POLQ: variants seen among roughly 807,000 people sequenced by gnomAD.
The protein encoded by POLQ is DNA polymerase theta.
Under a neutral mutation model 259.2 loss-of-function variants are expected in POLQ, and 233 were observed. That is an observed-to-expected ratio of 0.90 (90% confidence interval 0.81 to 1.00). The LOEUF is 1.00. POLQ is among the 50% of genes least tolerant of loss of function. POLQ has a pLI of 0.00. For synonymous variants in POLQ, 1,025 were observed against 1,048.8 expected (o/e 0.98, Z 0.44); for missense variants, 2,871 against 3,051.6 (o/e 0.94, Z 1.39).
chr3:121,440,115 C>A lies in POLQ; in HGVS notation c.7266G>T (p.Gly2422=), dbSNP rs1212923237. The part of the protein sequence containing the change: ...YIDSFKSRYT[G]INQFMTETVK... ...CTGTCTCTGTCATGAATTGATTAATCCCTACAAAGAAAATACAGAAATAAT... is the reference window on the plus strand; with the variant it reads ...CTGTCTCTGTCATGAATTGATTAATACCTACAAAGAAAATACAGAAATAAT... The change falls in exon 27 of 30, where the codon GGG becomes GGT. Residue 2422 remains glycine, a splice_region_variant and synonymous_variant. Coordinates refer to ENST00000264233, the MANE Select transcript of POLQ (RefSeq NM_199420.4). 3.1e-6 allele frequency: 5 copies of A among 1,603,220 alleles called. No individual in the cohort carries two copies. Among genetic ancestry groups the A allele is most frequent in the South Asian group, 1.1e-5 (1 of 90,482 alleles).
intron 14 of POLQ, among the ~76,000 whole-genome samples, chr3:121,495,871 AAGAGTG>A (rs1405382755): frequency 6.6e-6 from 1 of 150,698 alleles, no homozygotes; most frequent in Non-Finnish European, 1.5e-5. Context: ...AAAAAAAAAA[AAGAGTG>A]AGTGCCTCCC....
At chr3:121,455,713 A>G (rs2047729541) in intron 25 of POLQ, among the ~76,000 whole-genome samples, 1 of 152,216 alleles carries the variant, frequency 6.6e-6, no homozygotes, top group Non-Finnish European at 1.5e-5. Flanking sequence ...ATAGACCAAT[A>G]ACAGGCTCTG....
chr3:121,478,182 C>T (rs550141970), intron 19 of POLQ, among the ~76,000 whole-genome samples: 54 of 152,092 alleles, frequency 3.6e-4, no homozygotes, highest in Non-Finnish European at 7.2e-4. Flanking sequence ...TGTTCTGAAA[C>T]AAAACTCTCA....
intron 25 of POLQ, among the ~76,000 whole-genome samples, chr3:121,455,976 A>C (rs1266399511): frequency 6.6e-6 from 1 of 152,234 alleles, no homozygotes; most frequent in Non-Finnish European, 1.5e-5. Flanking sequence ...TGATGCAAAA[A>C]TCCTCAATAA....
At position 121,442,177 on chromosome 3, in the gene POLQ, T is replaced by C. The variant is rs180918526; in HGVS notation, c.7265-2061A>G. Among the ~76,000 whole-genome samples the C allele has an allele frequency of 4.6e-5, 7 of 152,330 alleles. No individual in the cohort carries two copies. In the East Asian group the frequency reaches 5.8e-4, roughly 13 times the overall value. ...TAAATTTTTAATTTTTGTGGGTATA[T>C]AGTAGGTGTACATATTTATGGGGTA... On this transcript the variant is annotated intron_variant, in intron 26 of 29. Transcript: ENST00000264233.
At position 121,478,551 on chromosome 3, in the gene POLQ, G is replaced by C. The variant is rs906714125; in HGVS notation, c.6212-1818C>G. Among the ~76,000 whole-genome samples, 6 of 53,164 alleles carry C rather than the reference G, an allele frequency of 1.1e-4. No homozygotes were observed. The Admixed American group carries it at 1.4e-3, about 12-fold the overall frequency. 34.9% of individuals were successfully genotyped at this position (53,164 alleles called of 152,430 possible). On this transcript the variant is annotated intron_variant, in intron 19 of 29. Coordinates refer to ENST00000264233, the MANE Select transcript of POLQ (RefSeq NM_199420.4). ...AATCAAATAAGCAGAAATACATCAA[G>C]AATCACAATAAATTGGCAAATTTGT...
chr3:121,458,471 C>T (rs1380853570), intron 25 of POLQ, among the ~76,000 whole-genome samples: 2 of 152,146 alleles, frequency 1.3e-5, no homozygotes, highest in African/African-American at 4.8e-5. Flanking sequence ...TCTTGGTCTA[C>T]CACTTATAGC....
chr3:121,496,132 C>G (rs796458311), intron 14 of POLQ, among the ~76,000 whole-genome samples: 5 of 151,844 alleles, frequency 3.3e-5, no homozygotes, highest in African/African-American at 1.2e-4. Context: ...GTTCAGAAAT[C>G]CCTCTCCATC....
rs2047492886 is a variant in POLQ at position 121,431,600 on chromosome 3, G to A, written c.*704C>T. ...TTTCTGTCTCTGGCAGTATTATATT[G>A]ACCTGCAATAAAAACATCTGATCTT... On this transcript the variant is annotated 3_prime_UTR_variant, in exon 30 of 30. Transcript: ENST00000264233. 6.6e-6 allele frequency: 1 copy of A among 152,522 alleles called. No homozygotes were observed. Among genetic ancestry groups the A allele is most frequent in the African/African-American group, 2.4e-5 (1 of 41,408 alleles). The allele number at this position is 152,522 out of a possible 1,614,324, so 9.4% of individuals were successfully genotyped here.
rs75573963 is a variant in POLQ at position 121,543,432 on chromosome 3, T to C, written c.343+1295A>G. Among the ~76,000 whole-genome samples, 77 of 152,340 alleles carry C rather than the reference T, an allele frequency of 5.1e-4. 1 individual carries two copies. The East Asian group carries it at 0.014, about 27-fold the overall frequency. On this transcript the variant is annotated intron_variant, in intron 2 of 29. Transcript: ENST00000264233. ...TACTCACAAACACATATACACTCTC[T>C]CACTCTTCCTAAGTAATCTGTGAGG...
intron 6 of POLQ, 59 bp from the exon 7 acceptor site, chr3:121,529,851 T>A (rs2048398397): frequency 7.6e-7 from 1 of 1,319,376 alleles, no homozygotes; most frequent in East Asian, 2.5e-5. Context: ...CTCACATCAG[T>A]TTAAAAGCAC....
At chr3:121,492,129 C>T (rs2048073754) in intron 15 of POLQ, among the ~76,000 whole-genome samples, 1 of 152,028 alleles carries the variant, frequency 6.6e-6, no homozygotes, top group Admixed American at 6.6e-5. Context: ...CCATCCCTTC[C>T]CACACAGGTT....
intron 5 of POLQ, among the ~76,000 whole-genome samples, chr3:121,533,437 T>C (rs1056173292): frequency 1.4e-4 from 21 of 152,204 alleles, no homozygotes; most frequent in African/African-American, 4.6e-4. Flanking sequence ...CCACAATCTG[T>C]GTTTTCTATT....
chr3:121,494,435 A>C, intron 14 of POLQ: 1 of 1,541,556 alleles, frequency 6.5e-7, no homozygotes, highest in African/African-American at 1.4e-5. Flanking sequence ...AAGGCAAGAG[A>C]AGAAGCAGAG....
intron 22 of POLQ, among the ~76,000 whole-genome samples, chr3:121,471,583 A>C (rs969640980): frequency 6.6e-6 from 1 of 151,998 alleles, no homozygotes; most frequent in Non-Finnish European, 1.5e-5. Flanking sequence ...CTCTACTAAA[A>C]ATACAAAAAT....
At chr3:121,459,947 T>A in intron 25 of POLQ, 103 bp downstream of exon 25, 1 of 851,520 alleles carries the variant, frequency 1.2e-6, no homozygotes, top group Non-Finnish European at 1.9e-6. Flanking sequence ...AGATCCAAAG[T>A]TGGAGAAACT....
At chr3:121,502,498 C>T (rs1412680123) in intron 12 of POLQ, among the ~76,000 whole-genome samples, 1 of 152,148 alleles carries the variant, frequency 6.6e-6, no homozygotes, top group Non-Finnish European at 1.5e-5. Flanking sequence ...GCCACTACAA[C>T]CTGCCAATAT....
At chr3:121,517,255 C>T (rs1315335727) in intron 9 of POLQ, among the ~76,000 whole-genome samples, 2 of 152,160 alleles carry the variant, frequency 1.3e-5, no homozygotes, top group East Asian at 3.8e-4. Flanking sequence ...TCTCTTCCCT[C>T]AACTCTTTTT....
intron 22 of POLQ, among the ~76,000 whole-genome samples, chr3:121,469,859 T>A (rs2047869508): frequency 2.6e-5 from 4 of 152,188 alleles, no homozygotes; most frequent in Admixed American, 6.5e-5. Flanking sequence ...TTAAAATACA[T>A]TTCTAAAATC....
Sources: gnomAD v4.1 joint callset for allele counts (sites outside exome capture counted in the v4.1 genomes callset) on GRCh38, gnomAD v4.1.1 for gene constraint, MANE v1.5 for transcripts, NCBI Gene and HGNC (gene_info 2026-07-23, HGNC 2026-07-21) for gene names.